SNX25: variants seen among roughly 807,000 people sequenced by gnomAD.
SNX25 encodes the protein sorting nexin 25.
A neutral mutation model predicts 113.7 loss-of-function variants in SNX25; 62 were observed. That is an observed-to-expected ratio of 0.55 (90% confidence interval 0.44 to 0.67). The LOEUF is 0.67. Among genes scored for constraint, SNX25 ranks in the 30% least tolerant of loss-of-function variants. The pLI, the probability that SNX25 is intolerant of heterozygous loss-of-function variation, is 0.00. For synonymous variants in SNX25, 421 were observed against 436.2 expected, an observed-to-expected ratio of 0.97 and a Z score of 0.43; for missense variants, 1,014 against 1,161.0, an observed-to-expected ratio of 0.87 and a Z score of 1.84.
Position 185,291,254 on chromosome 4 carries a change from G to C in SNX25, c.1162+3172G>C, listed in dbSNP as rs193254599. 3.3e-5 allele frequency among the ~76,000 whole-genome samples: 5 copies of C among 152,266 alleles called. No individual in the cohort carries two copies. The East Asian group carries it at 9.6e-4, about 29-fold the overall frequency. On this transcript the variant is annotated intron_variant, in intron 6 of 18. Transcript: ENST00000652585. Reference sequence around the variant, plus strand: ...TTACCATTTTTAAGTGTACAGTTCTGTGGCATTAATTACATTCATACTGTT... The same window carrying C: ...TTACCATTTTTAAGTGTACAGTTCTCTGGCATTAATTACATTCATACTGTT...
At chr4:185,272,639 A>T (rs1416563980) in intron 5 of SNX25, among the ~76,000 whole-genome samples, 1 of 152,170 alleles carries the variant, frequency 6.6e-6, no homozygotes, top group Non-Finnish European at 1.5e-5. Context: ...TGCAACTAAT[A>T]TTGAGATTCT....
rs534107679 is a variant in SNX25, at chr4:185,273,967, A to G, written c.1091+6812A>G. ...CCTGAGAGTATAGTCCAGAGTCTTC[A>G]TGGTCCAGGGTGGATTCTAGAATTT... On this transcript the variant is annotated intron_variant, in intron 5 of 18. Coordinates refer to ENST00000652585, the MANE Select transcript of SNX25 (RefSeq NM_001378034.2). Among the ~76,000 whole-genome samples the G allele has an allele frequency of 2.6e-5, 4 of 152,096 alleles. No individual in the cohort carries two copies. The South Asian group carries it at 8.3e-4, about 32-fold the overall frequency.
At chr4:185,328,952 A>AG (rs1256366328) in intron 9 of SNX25, among the ~76,000 whole-genome samples, 1 of 152,026 alleles carries the variant, frequency 6.6e-6, no homozygotes, top group African/African-American at 2.4e-5. Context: ...GAGAATACGG[A>AG]GGGGGTTCAT....
At chr4:185,376,085 C>T in the SNX25 span, among the ~76,000 whole-genome samples, 7 of 152,228 alleles carry the variant, frequency 4.6e-5, no homozygotes, top group Non-Finnish European at 7.4e-5. Flanking sequence ...AATGAAAAAC[C>T]GAAACTACAT....
At chr4:185,230,626 C>T (rs12502840) in intron 1 of SNX25, among the ~76,000 whole-genome samples, 56,512 of 151,404 alleles carry the variant, frequency 0.37, 12,772 homozygotes, top group East Asian at 0.57. Context: ...CTCGAACTCC[C>T]GACCTCAGGT....
At chr4:185,332,899 A>G (rs2095205721) in intron 10 of SNX25, 140 bp downstream of exon 10, 3 of 915,686 alleles carry the variant, frequency 3.3e-6, no homozygotes, top group African/African-American at 1.7e-5. Flanking sequence ...TTTTGCTTCT[A>G]GGATAGAATT....
At chr4:185,313,809 A>G (rs1456635095) in intron 7 of SNX25, among the ~76,000 whole-genome samples, 1 of 152,210 alleles carries the variant, frequency 6.6e-6, no homozygotes, top group Non-Finnish European at 1.5e-5. Flanking sequence ...TCCTACTATT[A>G]ACTGGAAGCC....
At position 185,236,959 on chromosome 4, in the gene SNX25, T is replaced by A. The variant is rs898234172; in HGVS notation, c.430-10335T>A. 5.9e-5 allele frequency among the ~76,000 whole-genome samples: 9 copies of A among 152,222 alleles called. No individual in the cohort carries two copies. In the South Asian group the frequency reaches 8.3e-4, roughly 14 times the overall value. ...TGATCATCTGGATCATCATTATGAG[T>A]CAGTTTAATTCCTTACATCTATAAT... On this transcript the variant is annotated intron_variant, in intron 1 of 18. Transcript: ENST00000652585.
chr4:185,275,087 CA>C (rs1220524752), intron 5 of SNX25, among the ~76,000 whole-genome samples: 38 of 152,148 alleles, frequency 2.5e-4, no homozygotes, highest in Non-Finnish European at 4.7e-4. Flanking sequence ...GAAGTGTTGA[CA>C]GCTATTATTA....
downstream of SNX25, chr4:185,374,538 G>A: frequency 1.3e-6 from 2 of 1,490,826 alleles, no homozygotes; most frequent in Non-Finnish European, 1.8e-6. Context: ...CAATAAGGCT[G>A]TGAAGTGTCC....
chr4:185,285,579 GCTCT>G (rs1197033583), intron 5 of SNX25, among the ~76,000 whole-genome samples: 1 of 152,202 alleles, frequency 6.6e-6, no homozygotes, highest in Non-Finnish European at 1.5e-5. Flanking sequence ...TCCTCAGAAA[GCTCT>G]CTATCAGTTG....
intron 11 of SNX25, among the ~76,000 whole-genome samples, 189 bp from the exon 12 acceptor site, chr4:185,341,787 T>G (rs1398159791): frequency 6.6e-6 from 1 of 152,210 alleles, no homozygotes; most frequent in Non-Finnish European, 1.5e-5. Context: ...GAAATCCCCC[T>G]ATTTTAGTCT....
intron 5 of SNX25, among the ~76,000 whole-genome samples, chr4:185,284,499 G>A (rs1254359243): frequency 6.6e-6 from 1 of 152,158 alleles, no homozygotes; most frequent in African/African-American, 2.4e-5. Flanking sequence ...CTGCCTTCCA[G>A]CAGGAAACAA....
chr4:185,217,133 T>TA (rs1177861267), intron 1 of SNX25, among the ~76,000 whole-genome samples: 1 of 151,836 alleles, frequency 6.6e-6, no homozygotes, highest in African/African-American at 2.4e-5. Flanking sequence ...GGGGTGGACT[T>TA]AAAAGGAGAA....
At chr4:185,333,345 G>A (rs1561024106) in intron 10 of SNX25, among the ~76,000 whole-genome samples, 1 of 152,136 alleles carries the variant, frequency 6.6e-6, no homozygotes, top group South Asian at 2.1e-4. Flanking sequence ...ATTGGTCTCT[G>A]GCACTTTCTG....
In SNX25 at chr4:185,363,307, C is replaced by T. The variant is rs1232704656; in HGVS notation, c.2935-78C>T. 2 of 1,384,470 alleles carry T rather than the reference C, an allele frequency of 1.4e-6. No individual in the cohort carries two copies. The highest frequency in any genetic ancestry group is 2.0e-6 in the Non-Finnish European group (2 of 989,814). 85.8% of individuals were successfully genotyped at this position (1,384,470 alleles called of 1,614,324 possible). A position where few individuals can be genotyped will look rare whatever the true frequency, so the allele number is the denominator to read the frequency against. ...TTCAGACCTAAAATTAGACTTTTCTCTTAGATGCAGATATTTATTTTGAAT... is the reference window on the plus strand; with the variant it reads ...TTCAGACCTAAAATTAGACTTTTCTTTTAGATGCAGATATTTATTTTGAAT... On this transcript the variant is annotated intron_variant, in intron 18 of 18. Transcript: ENST00000652585. The surrounding 1 kb of genome is among the most constrained non-coding windows in gnomAD (Gnocchi z 4.2).
chr4:185,290,240 T>TG (rs1398659318), intron 6 of SNX25, among the ~76,000 whole-genome samples: 1 of 152,104 alleles, frequency 6.6e-6, no homozygotes, highest in Non-Finnish European at 1.5e-5. Flanking sequence ...GTTTTGGGAG[T>TG]GCGGGAAGGA....
chr4:185,347,528 T>C (rs572253373), intron 13 of SNX25, among the ~76,000 whole-genome samples: 149 of 152,272 alleles, frequency 9.8e-4, no homozygotes, highest in African/African-American at 3.3e-3. Context: ...TGGAGTGCAA[T>C]GGCGCGATCT....
At chr4:185,250,071 C>T (rs1745429221) in intron 2 of SNX25, among the ~76,000 whole-genome samples, 1 of 152,144 alleles carries the variant, frequency 6.6e-6, no homozygotes. Flanking sequence ...ATTCTTTTAT[C>T]TTCCTCTGAA....
Sources: gnomAD v4.1 joint callset for allele counts (sites outside exome capture counted in the v4.1 genomes callset) on GRCh38, gnomAD v4.1.1 for gene constraint, Gnocchi (gnomAD v3.1) non-coding constraint, MANE v1.5 for transcripts, NCBI Gene and HGNC (gene_info 2026-07-23, HGNC 2026-07-21) for gene names.